The following OCA2 variants were observed in gnomAD, a reference collection of about 807,000 sequenced individuals.
The protein encoded by OCA2 is P protein.
Under a neutral mutation model 100.2 loss-of-function variants are expected in OCA2, and 77 were observed. The observed-to-expected ratio is 0.77, with a 90% CI of 0.64 to 0.93. The LOEUF is 0.93. OCA2 is among the 40% of genes least tolerant of loss of function. The probability of loss-of-function intolerance (pLI) is 0.00; values close to 1 mark genes in which losing one functional copy is unlikely to be tolerated. For missense variants in OCA2, 1,062 were observed against 1,089.1 expected (o/e 0.98, Z 0.35); for synonymous variants, 432 against 439.2 (o/e 0.98, Z 0.21).
intron 19 of OCA2, among the ~76,000 whole-genome samples, chr15:27,872,299 G>A (rs1470965093): frequency 1.3e-5 from 2 of 152,202 alleles, no homozygotes; most frequent in African/African-American, 4.8e-5. Flanking sequence ...TCTTTTTAAA[G>A]TTAAACATCA....
the OCA2 span, among the ~76,000 whole-genome samples, chr15:27,725,616 G>A: frequency 2.0e-5 from 3 of 152,022 alleles, no homozygotes; most frequent in East Asian, 1.9e-4. Context: ...TTCTCAACAC[G>A]GGAGCAAAGT....
chr15:27,874,600 C>T (rs1297012681), intron 19 of OCA2, among the ~76,000 whole-genome samples: 1 of 152,092 alleles, frequency 6.6e-6, no homozygotes, highest in African/African-American at 2.4e-5. Flanking sequence ...ACCCCAAAAC[C>T]GCATGGATGA....
intron 16 of OCA2, among the ~76,000 whole-genome samples, chr15:27,956,261 A>C (rs2040220003): frequency 6.6e-6 from 1 of 152,180 alleles, no homozygotes; most frequent in Admixed American, 6.5e-5. Flanking sequence ...AGGCAGGAGA[A>C]TCACTTGAAC....
chr15:28,067,336 G>A (rs375936737), intron 2 of OCA2, among the ~76,000 whole-genome samples: 10 of 151,902 alleles, frequency 6.6e-5, no homozygotes, highest in East Asian at 5.8e-4. Flanking sequence ...TTGATCTTTC[G>A]TATGGATTTT....
chr15:28,063,135 T>A (rs1387300788), intron 2 of OCA2, among the ~76,000 whole-genome samples: 1 of 152,226 alleles, frequency 6.6e-6, no homozygotes, highest in Non-Finnish European at 1.5e-5. Flanking sequence ...TATATCTTCT[T>A]GATGAATTGA....
chr15:28,018,578 A>G, intron 6 of OCA2, 21 bp from the exon 7 acceptor site: 2 of 1,609,804 alleles, frequency 1.2e-6, no homozygotes, highest in East Asian at 2.2e-5. Flanking sequence ...GTCAAGGAGA[A>G]CCACAAGGCA....
chr15:27,887,923 G>A (rs2037298557), intron 19 of OCA2, among the ~76,000 whole-genome samples: 1 of 151,418 alleles, frequency 6.6e-6, no homozygotes, highest in Admixed American at 6.6e-5. Flanking sequence ...GAGATATGTG[G>A]TGAGTGGACA....
the OCA2 span, among the ~76,000 whole-genome samples, chr15:27,748,083 C>G: frequency 6.6e-6 from 1 of 152,192 alleles, no homozygotes; most frequent in Non-Finnish European, 1.5e-5. Flanking sequence ...TGTCTTCCTT[C>G]AAGCTGAACA....
chr15:27,831,916 A>G (rs1419394101), intron 23 of OCA2, among the ~76,000 whole-genome samples: 2 of 152,120 alleles, frequency 1.3e-5, no homozygotes, highest in Non-Finnish European at 1.5e-5. Context: ...CTTTATCCCC[A>G]TAGATAGCAC....
chr15:27,770,195 C>T (rs1428633397), intron 23 of OCA2, among the ~76,000 whole-genome samples: 8 of 152,236 alleles, frequency 5.3e-5, no homozygotes, highest in Admixed American at 5.2e-4. Context: ...CCACACAAAG[C>T]AAGAGCGTTT....
chr15:27,844,697 C>T (rs1019264452), intron 23 of OCA2, among the ~76,000 whole-genome samples: 3 of 152,058 alleles, frequency 2.0e-5, no homozygotes, highest in Admixed American at 6.5e-5. Flanking sequence ...GTTGGGGATT[C>T]ACCATGTTGC....
intron 11 of OCA2, among the ~76,000 whole-genome samples, chr15:27,989,349 G>T (rs1175876930): frequency 3.3e-5 from 5 of 152,092 alleles, no homozygotes; most frequent in Non-Finnish European, 7.4e-5. Flanking sequence ...TAACTCAAAA[G>T]AATTGCTAGC....
chr15:28,026,202 C>T (rs1595846137), intron 4 of OCA2, among the ~76,000 whole-genome samples: 2 of 152,286 alleles, frequency 1.3e-5, no homozygotes, highest in Admixed American at 6.5e-5. Flanking sequence ...TCTTTTAGTT[C>T]AGTGGCAAGC....
At chr15:28,044,265 T>C (rs774967009) in intron 2 of OCA2, among the ~76,000 whole-genome samples, 5 of 152,350 alleles carry the variant, frequency 3.3e-5, no homozygotes, top group East Asian at 1.9e-4. Flanking sequence ...TCTGAAATGA[T>C]AGTAGGTGGC....
intron 23 of OCA2, among the ~76,000 whole-genome samples, chr15:27,790,709 A>G (rs963855764): frequency 6.6e-6 from 1 of 152,112 alleles, no homozygotes; most frequent in Non-Finnish European, 1.5e-5. Flanking sequence ...ACATGACTGT[A>G]TATTTGCCAA....
chr15:27,867,162 CTGT>C (rs760450757), intron 21 of OCA2, among the ~76,000 whole-genome samples: 5 of 152,180 alleles, frequency 3.3e-5, no homozygotes, highest in Non-Finnish European at 7.3e-5. Context: ...TTCACTGCAA[CTGT>C]TGTTTGAAAT....
the OCA2 span, among the ~76,000 whole-genome samples, chr15:27,734,475 G>C: frequency 6.6e-6 from 1 of 152,086 alleles, no homozygotes; most frequent in Non-Finnish European, 1.5e-5. Flanking sequence ...AGTGAGCACA[G>C]GACCTTGCCT....
At chr15:28,082,012 G>T in intron 1 of OCA2, 117 bp from the exon 2 acceptor site, 1 of 833,910 alleles carries the variant, frequency 1.2e-6, no homozygotes, top group Non-Finnish European at 1.9e-6. Flanking sequence ...CAGAGTTCCA[G>T]CATCCTAACC....
At position 27,756,715 on chromosome 15, in the gene OCA2, T is replaced by G. The variant is rs573244039; in HGVS notation, c.2433-1243A>C. Among the ~76,000 whole-genome samples, 4 of 152,284 alleles carry G rather than the reference T, an allele frequency of 2.6e-5. No individual in the cohort carries two copies. The South Asian group carries it at 8.3e-4, about 32-fold the overall frequency. On this transcript the variant is annotated intron_variant, in intron 23 of 23. Coordinates refer to ENST00000354638, the MANE Select transcript of OCA2 (RefSeq NM_000275.3). ...GCCTTCGTTCCTCTGTGACAGATTG[T>G]GTAGAGTGAGTCAGTGTCAGGTAAG...
Sources: allele counts gnomAD v4.1 joint callset (sites outside exome capture counted in the v4.1 genomes callset), GRCh38; gene constraint gnomAD v4.1.1; transcripts MANE v1.5; gene names NCBI Gene and HGNC (gene_info 2026-07-23, HGNC 2026-07-21).